The following ATF7IP2 variants were observed in gnomAD, a reference collection of about 807,000 sequenced individuals.
ATF7IP2 encodes activating transcription factor 7 interacting protein 2.
Under a neutral mutation model 64.2 loss-of-function variants are expected in ATF7IP2, and 42 were observed. That is an observed-to-expected ratio of 0.65 (90% CI 0.51 to 0.85). The LOEUF (loss-of-function observed/expected upper bound fraction) is 0.85. Among genes scored for constraint, ATF7IP2 ranks in the 40% least tolerant of loss-of-function variants. ATF7IP2 has a pLI of 0.00. For synonymous variants in ATF7IP2, 308 were observed against 272.8 expected (o/e 1.13, Z -1.27); for missense variants, 933 against 784.2 (o/e 1.19, Z -2.27).
At chr16:10,423,347 A>C (rs769962377) in intron 3 of ATF7IP2, among the ~76,000 whole-genome samples, 9 of 152,246 alleles carry the variant, frequency 5.9e-5, no homozygotes, top group Non-Finnish European at 1.3e-4. Flanking sequence ...TCCTGTTACA[A>C]AAGGAGAACC....
intron 6 of ATF7IP2, among the ~76,000 whole-genome samples, chr16:10,436,591 A>G (rs769782056): frequency 3.7e-4 from 56 of 152,228 alleles, no homozygotes; most frequent in Non-Finnish European, 1.3e-4. Context: ...GGAATGATCA[A>G]AATTAAAGAA....
At chr16:10,404,179 T>C (rs546550092) in intron 1 of ATF7IP2, among the ~76,000 whole-genome samples, 1 of 152,290 alleles carries the variant, frequency 6.6e-6, no homozygotes, top group Admixed American at 6.5e-5. Context: ...AATTTTAAAA[T>C]CAGCAAGAGA....
intron 1 of ATF7IP2, among the ~76,000 whole-genome samples, chr16:10,393,737 C>T (rs1292874964): frequency 6.6e-6 from 1 of 152,108 alleles, no homozygotes; most frequent in African/African-American, 2.4e-5. Flanking sequence ...GCAAGTCACA[C>T]AGCATCTGTA....
chr16:10,457,266 T>G, intron 8 of ATF7IP2, 106 bp from the exon 9 acceptor site: 1 of 908,444 alleles, frequency 1.1e-6, no homozygotes, highest in South Asian at 1.7e-5. Flanking sequence ...ATTTAACTTA[T>G]GTTTTGCCAT....
chr16:10,453,086 G>T (rs1005043720), intron 8 of ATF7IP2, among the ~76,000 whole-genome samples: 1 of 152,174 alleles, frequency 6.6e-6, no homozygotes, highest in Non-Finnish European at 1.5e-5. Context: ...TTTGCAGGAA[G>T]AGTGAACGGT....
chr16:10,422,147 C>G (rs982434649), intron 3 of ATF7IP2, among the ~76,000 whole-genome samples: 3 of 152,198 alleles, frequency 2.0e-5, no homozygotes, highest in African/African-American at 7.2e-5. Flanking sequence ...TCTAATTGTT[C>G]AGTAACTAAG....
chr16:10,470,728 A>C (rs1411081713), intron 9 of ATF7IP2, among the ~76,000 whole-genome samples: 1 of 151,992 alleles, frequency 6.6e-6, no homozygotes, highest in African/African-American at 2.4e-5. Flanking sequence ...GGCTTCAGCA[A>C]GATACATTTG....
chr16:10,435,229 C>G (rs185072133), intron 6 of ATF7IP2, among the ~76,000 whole-genome samples: 2 of 152,354 alleles, frequency 1.3e-5, no homozygotes, highest in African/African-American at 4.8e-5. Context: ...TTGTTCTCCC[C>G]TACTGAAGGA....
intron 8 of ATF7IP2, among the ~76,000 whole-genome samples, chr16:10,441,958 C>A (rs757741123): frequency 4.0e-4 from 61 of 152,208 alleles, no homozygotes; most frequent in Non-Finnish European, 7.9e-4. Context: ...CAGTCATGAT[C>A]GCAAAAGCAC....
chr16:10,450,548 TC>T (rs1247846518), intron 8 of ATF7IP2, among the ~76,000 whole-genome samples: 3 of 152,140 alleles, frequency 2.0e-5, no homozygotes, highest in African/African-American at 7.2e-5. Context: ...GTTTCATTGA[TC>T]CCTTTACCAT....
chr16:10,388,732 C>T (rs903540539), intron 1 of ATF7IP2, among the ~76,000 whole-genome samples: 10 of 152,068 alleles, frequency 6.6e-5, no homozygotes, highest in Admixed American at 2.6e-4. Flanking sequence ...ATTTGTAGGC[C>T]GGGCGCGGTG....
chr16:10,464,803 C>T (rs924466066), intron 9 of ATF7IP2, among the ~76,000 whole-genome samples: 20 of 152,174 alleles, frequency 1.3e-4, no homozygotes, highest in Non-Finnish European at 2.6e-4. Flanking sequence ...GTGTTGCTCC[C>T]TACTCATTCT....
chr16:10,403,341 A>G (rs2047572220), intron 1 of ATF7IP2, among the ~76,000 whole-genome samples: 1 of 152,190 alleles, frequency 6.6e-6, no homozygotes, highest in South Asian at 2.1e-4. Flanking sequence ...CTGGCACACT[A>G]CTACTACGAC....
intron 3 of ATF7IP2, among the ~76,000 whole-genome samples, chr16:10,426,301 G>A (rs1056401492): frequency 6.6e-6 from 1 of 152,142 alleles, no homozygotes; most frequent in African/African-American, 2.4e-5. Context: ...AATTAGTTTG[G>A]GTGGCTTTTT....
intron 5 of ATF7IP2, among the ~76,000 whole-genome samples, chr16:10,431,990 A>ATTTTTTTTT (rs34029007): frequency 2.7e-5 from 3 of 111,602 alleles, no homozygotes; most frequent in Non-Finnish European, 5.2e-5. Flanking sequence ...CGCCCGGCTA[A>ATTTTTTTTT]TTTTTTTTTT....
intron 8 of ATF7IP2, among the ~76,000 whole-genome samples, chr16:10,453,151 C>T (rs943854777): frequency 5.3e-5 from 8 of 152,212 alleles, no homozygotes; most frequent in African/African-American, 1.9e-4. Context: ...AAAACTCCTG[C>T]ACCTAACTCA....
chr16:10,387,138 T>C (rs2047218591), intron 1 of ATF7IP2: 1 of 152,272 alleles, frequency 6.6e-6, no homozygotes, highest in Non-Finnish European at 1.5e-5. Context: ...GTCATATTTA[T>C]TGTAGCCAGT....
At chr16:10,389,282 CAACTT>C (rs2047272843) in intron 1 of ATF7IP2, among the ~76,000 whole-genome samples, 1 of 152,080 alleles carries the variant, frequency 6.6e-6, no homozygotes, top group Non-Finnish European at 1.5e-5. Flanking sequence ...ATATTTATAA[CAACTT>C]AAATATTGAT....
chr16:10,436,005 A>C (rs1182809875), intron 6 of ATF7IP2, among the ~76,000 whole-genome samples: 1 of 152,180 alleles, frequency 6.6e-6, no homozygotes, highest in Non-Finnish European at 1.5e-5. Flanking sequence ...CAGCCAGTGA[A>C]CTAACAAACA....
Sources: gnomAD v4.1 joint callset for allele counts (sites outside exome capture counted in the v4.1 genomes callset) on GRCh38, gnomAD v4.1.1 for gene constraint, MANE v1.5 for transcripts, NCBI Gene and HGNC (gene_info 2026-07-23, HGNC 2026-07-21) for gene names.